Variants in RASGRF2 observed in about 807,000 individuals in gnomAD.
RASGRF2 encodes ras-specific guanine nucleotide-releasing factor 2.
A neutral mutation model predicts 151.0 loss-of-function variants in RASGRF2; 76 were observed. The ratio of observed to expected loss-of-function variants is 0.50; its 90% confidence interval spans 0.42 to 0.61. The LOEUF is 0.61. Ranked by LOEUF, RASGRF2 falls within the 20% of genes least tolerant of loss-of-function variation. The pLI is 0.00. For missense variants in RASGRF2, 1,148 were observed against 1,564.6 expected (o/e 0.73, Z 4.49); for synonymous variants, 504 against 566.5 (o/e 0.89, Z 1.57).
intron 4 of RASGRF2, among the ~76,000 whole-genome samples, chr5:81,071,312 C>A (rs1751767070): frequency 6.6e-6 from 1 of 152,150 alleles, no homozygotes; most frequent in African/African-American, 2.4e-5. Flanking sequence ...TGCTAATAAT[C>A]TTTCCCCTTT....
At chr5:81,128,131 T>C (rs1580342514) in intron 17 of RASGRF2, among the ~76,000 whole-genome samples, 1 of 151,782 alleles carries the variant, frequency 6.6e-6, no homozygotes, top group African/African-American at 2.4e-5. Flanking sequence ...CAGGGGCTGG[T>C]GGGGAGGAAG....
At chr5:81,091,700 A>G (rs549759121) in intron 9 of RASGRF2, among the ~76,000 whole-genome samples, 1 of 152,288 alleles carries the variant, frequency 6.6e-6, no homozygotes, top group East Asian at 1.9e-4. Flanking sequence ...TATATGGAGA[A>G]CTTTAGTGGT....
intron 15 of RASGRF2, among the ~76,000 whole-genome samples, chr5:81,116,203 C>G (rs1012781729): frequency 6.7e-6 from 1 of 150,098 alleles, no homozygotes; most frequent in Non-Finnish European, 1.5e-5. Context: ...CTGCCTCAGC[C>G]TCCTGAGTAG....
At chr5:81,109,385 G>A (rs1025399276) in intron 13 of RASGRF2, among the ~76,000 whole-genome samples, 1 of 152,138 alleles carries the variant, frequency 6.6e-6, no homozygotes, top group Non-Finnish European at 1.5e-5. Flanking sequence ...GGCCAGGTGC[G>A]GTGGCTCACG....
Position 80,960,559 on chromosome 5 carries a change from G to A in RASGRF2, c.-180G>A, listed in dbSNP as rs1580138568. 2 of 445,282 alleles carry A rather than the reference G, an allele frequency of 4.5e-6. No homozygotes were observed. The highest frequency in any genetic ancestry group is 7.0e-6 in the Non-Finnish European group (2 of 285,474). 27.6% of individuals were successfully genotyped at this position (445,282 alleles called of 1,614,324 possible). The stretch of plus-strand genomic sequence containing the variant: ...TGCCTCGGCCCCAGCCCGCGCCCCT[G>A]CCACCGCGCGCCGCGGCCTCCCGAA... On this transcript the variant is annotated 5_prime_UTR_variant, in exon 1 of 27. Coordinates refer to ENST00000265080, the MANE Select transcript of RASGRF2 (RefSeq NM_006909.3). This position sits in a 1 kb window ranked among gnomAD's most constrained non-coding sequence, Gnocchi z 5.5.
intron 9 of RASGRF2, chr5:81,087,216 G>A (rs1263416261): frequency 1.4e-6 from 1 of 703,136 alleles, no homozygotes. Context: ...TCAGCGGCCC[G>A]GACATTCTCT....
intron 1 of RASGRF2, among the ~76,000 whole-genome samples, chr5:80,999,399 G>A (rs376119884): frequency 7.2e-5 from 11 of 152,292 alleles, no homozygotes; most frequent in African/African-American, 2.6e-4. Context: ...TTGGAGTGCA[G>A]TGCTGCGATC....
At chr5:81,007,444 C>T (rs967457273) in intron 1 of RASGRF2, among the ~76,000 whole-genome samples, 1 of 152,054 alleles carries the variant, frequency 6.6e-6, no homozygotes, top group Non-Finnish European at 1.5e-5. Flanking sequence ...TTCCCAGGGA[C>T]CCTCTCCCTG....
chr5:80,971,274 A>G (rs1747922771), intron 1 of RASGRF2, among the ~76,000 whole-genome samples: 1 of 152,188 alleles, frequency 6.6e-6, no homozygotes, highest in Non-Finnish European at 1.5e-5. Context: ...TTAATTTGTG[A>G]CACCATAGAA....
intron 12 of RASGRF2, 126 bp downstream of exon 12, chr5:81,095,118 A>G: frequency 3.4e-6 from 2 of 595,012 alleles, no homozygotes; most frequent in Non-Finnish European, 5.0e-6. Flanking sequence ...TCACTGCCAT[A>G]ATCACTATGT....
chr5:81,071,608 A>G (rs1232236869), intron 4 of RASGRF2, among the ~76,000 whole-genome samples: 1 of 152,200 alleles, frequency 6.6e-6, no homozygotes, highest in Non-Finnish European at 1.5e-5. Context: ...TCAGTTTTCC[A>G]GAAATAAAAA....
chr5:81,205,445 A>G (rs1329281161), intron 19 of RASGRF2, among the ~76,000 whole-genome samples: 2 of 152,358 alleles, frequency 1.3e-5, no homozygotes, highest in East Asian at 3.9e-4. Context: ...CTGTATAACA[A>G]TCCCTTGGAA....
intron 17 of RASGRF2, among the ~76,000 whole-genome samples, chr5:81,162,115 G>A (rs1287330954): frequency 6.9e-6 from 1 of 145,598 alleles, no homozygotes; most frequent in African/African-American, 2.5e-5. Context: ...ACTGAGGAAG[G>A]TACTCAGAGT....
At chr5:81,177,689 G>A (rs1282549487) in intron 17 of RASGRF2, among the ~76,000 whole-genome samples, 1 of 151,702 alleles carries the variant, frequency 6.6e-6, no homozygotes, top group Non-Finnish European at 1.5e-5. Flanking sequence ...AATGTGCTAA[G>A]TACCATAAAG....
chr5:81,038,032 A>C (rs1263427402), intron 1 of RASGRF2, among the ~76,000 whole-genome samples: 1 of 152,226 alleles, frequency 6.6e-6, no homozygotes, highest in African/African-American at 2.4e-5. Flanking sequence ...TGGTTCATCT[A>C]TGCTGTTCCT....
At chr5:81,018,894 C>T (rs1749731251) in intron 1 of RASGRF2, among the ~76,000 whole-genome samples, 2 of 151,826 alleles carry the variant, frequency 1.3e-5, no homozygotes, top group African/African-American at 2.4e-5. Context: ...CCTCTGCCTC[C>T]CAGGTTAAAG....
At chr5:81,151,987 T>C (rs1754146941) in intron 17 of RASGRF2, among the ~76,000 whole-genome samples, 1 of 152,092 alleles carries the variant, frequency 6.6e-6, no homozygotes, top group African/African-American at 2.4e-5. Context: ...GTTAAATCTA[T>C]GGAAGAGAGA....
chr5:81,225,392 C>CT (rs1755950032), intron 26 of RASGRF2, among the ~76,000 whole-genome samples: 3 of 152,020 alleles, frequency 2.0e-5, no homozygotes, highest in Admixed American at 2.0e-4. Flanking sequence ...TCTGTAAGTA[C>CT]ATGTAATCTC....
intron 1 of RASGRF2, among the ~76,000 whole-genome samples, chr5:80,990,144 A>G (rs1275092771): frequency 3.9e-5 from 6 of 151,994 alleles, no homozygotes; most frequent in Admixed American, 3.9e-4. Context: ...CTTAGAACAC[A>G]GGTGCCTTCT....
Sources: gnomAD v4.1 joint callset for allele counts (sites outside exome capture counted in the v4.1 genomes callset) on GRCh38, gnomAD v4.1.1 for gene constraint, Gnocchi (gnomAD v3.1) non-coding constraint, MANE v1.5 for transcripts, NCBI Gene and HGNC (gene_info 2026-07-23, HGNC 2026-07-21) for gene names.